TEKT5: variants seen among roughly 807,000 people sequenced by gnomAD.
TEKT5 encodes the protein tektin 5, also known as tektin-5.
In TEKT5, 52 loss-of-function variants were observed where a neutral mutation model predicts 48.7. That is an observed-to-expected ratio of 1.07 (90% CI 0.86 to 1.35). The LOEUF (loss-of-function observed/expected upper bound fraction) is 1.35. Among genes scored for constraint, TEKT5 ranks in the 40% most tolerant of loss-of-function variants. TEKT5 has a pLI of 0.00. For missense variants in TEKT5, 831 were observed against 641.6 expected, an observed-to-expected ratio of 1.30 and a Z score of -3.19; for synonymous variants, 318 against 267.6, an observed-to-expected ratio of 1.19 and a Z score of -1.84.
At chr16:10,692,181 T>C (rs1898991899) in intron 1 of TEKT5, among the ~76,000 whole-genome samples, 1 of 152,078 alleles carries the variant, frequency 6.6e-6, no homozygotes, top group African/African-American at 2.4e-5. Context: ...CAGGCAAAGC[T>C]GGACTTTCCA....
chr16:10,670,927 C>T (rs1898539186), intron 5 of TEKT5, among the ~76,000 whole-genome samples: 1 of 151,674 alleles, frequency 6.6e-6, no homozygotes, highest in African/African-American at 2.4e-5. Flanking sequence ...TTTTTAGAGA[C>T]AATGTCTTGC....
intron 5 of TEKT5, among the ~76,000 whole-genome samples, chr16:10,660,368 A>G (rs1898345429): frequency 6.6e-6 from 1 of 151,284 alleles, no homozygotes; most frequent in Non-Finnish European, 1.5e-5. Context: ...ATGTTAAGTA[A>G]CTCCCCCCAC....
At chr16:10,663,562 A>C (rs950576499) in intron 5 of TEKT5, among the ~76,000 whole-genome samples, 3 of 152,118 alleles carry the variant, frequency 2.0e-5, no homozygotes, top group African/African-American at 7.2e-5. Flanking sequence ...GCAAGGAGAG[A>C]GAGAAAGAGG....
rs200955097 is a variant in TEKT5 at position 10,627,557 on chromosome 16, C to T, written c.*26G>A. ...TCAGCCTTTTCCAATTTTACGCCAG[C>T]GCGGAATGAGGCGCCAGGGCGGTGC... is the stretch of plus-strand genomic sequence containing the variant. On this transcript the variant is annotated 3_prime_UTR_variant, in exon 7 of 7. Coordinates refer to ENST00000283025, the MANE Select transcript of TEKT5 (RefSeq NM_144674.2). 84 of 1,610,986 alleles carry T rather than the reference C, an allele frequency of 5.2e-5. No individual in the cohort carries two copies. The African/African-American group carries it at 5.7e-4, about 11-fold the overall frequency.
At chr16:10,665,825 C>G (rs1011691402) in intron 5 of TEKT5, among the ~76,000 whole-genome samples, 1 of 152,218 alleles carries the variant, frequency 6.6e-6, no homozygotes, top group African/African-American at 2.4e-5. Context: ...AGAGACCTAC[C>G]TATGCATGCA....
chr16:10,668,835 C>T (rs141187652), intron 5 of TEKT5, among the ~76,000 whole-genome samples: 1 of 152,224 alleles, frequency 6.6e-6, no homozygotes, highest in African/African-American at 2.4e-5. Flanking sequence ...GCAGAGTGCA[C>T]AAATACAGGG....
intron 1 of TEKT5, chr16:10,691,425 G>C (rs1898973796): frequency 6.6e-6 from 1 of 152,460 alleles, no homozygotes; most frequent in African/African-American, 2.4e-5. Context: ...GTAACCAGCG[G>C]AGTGGTCAGG....
intron 5 of TEKT5, among the ~76,000 whole-genome samples, chr16:10,665,534 G>A (rs756950710): frequency 6.6e-6 from 1 of 152,012 alleles, no homozygotes; most frequent in Admixed American, 6.6e-5. Context: ...TGCATCTGTC[G>A]CCTACCTCCC....
intron 5 of TEKT5, among the ~76,000 whole-genome samples, chr16:10,651,000 C>T (rs1343920350): frequency 2.0e-5 from 3 of 152,152 alleles, no homozygotes; most frequent in Admixed American, 2.0e-4. Context: ...CTCCCAATGC[C>T]AGAGAGGCAG....
intron 5 of TEKT5, among the ~76,000 whole-genome samples, chr16:10,661,492 T>C (rs552896308): frequency 1.3e-5 from 2 of 152,182 alleles, no homozygotes; most frequent in South Asian, 4.1e-4. Flanking sequence ...GAGAAAGACA[T>C]GATTATGTTT....
At chr16:10,675,855 T>C in intron 5 of TEKT5, 104 bp downstream of exon 5, 1 of 1,159,124 alleles carries the variant, frequency 8.6e-7, no homozygotes, top group Non-Finnish European at 1.3e-6. Flanking sequence ...GGTACTGCTT[T>C]GGCACCAGGG....
Position 10,640,594 on chromosome 16 carries a change from T to C in TEKT5, c.1087-4676A>G, listed in dbSNP as rs74388663. 4.5e-3 allele frequency among the ~76,000 whole-genome samples: 678 copies of C among 152,274 alleles called. 16 individuals carry two copies. The East Asian group carries it at 0.064, about 14-fold the overall frequency. On this transcript the variant is annotated intron_variant, in intron 5 of 6. Transcript: ENST00000283025. ...GAATGAATCCATCACTCCCAAAGGT[T>C]TCTGTATACCGCTTTACAATCCATC...
At chr16:10,632,878 A>ACACACG (rs1232768186) in intron 6 of TEKT5, among the ~76,000 whole-genome samples, 1 of 142,888 alleles carries the variant, frequency 7.0e-6, no homozygotes, top group Non-Finnish European at 1.5e-5. Flanking sequence ...AGACACACAC[A>ACACACG]CACACACACA....
At chr16:10,652,378 C>T (rs1898172198) in intron 5 of TEKT5, among the ~76,000 whole-genome samples, 1 of 151,586 alleles carries the variant, frequency 6.6e-6, no homozygotes, top group Non-Finnish European at 1.5e-5. Flanking sequence ...AGAACTATCC[C>T]TTATATACTC....
chr16:10,660,691 GTGTGTGTGTGTGT>G (rs1340538393), intron 5 of TEKT5, among the ~76,000 whole-genome samples: 1 of 116,380 alleles, frequency 8.6e-6, no homozygotes, highest in African/African-American at 2.8e-5. Context: ...GTGTGTGTGT[GTGTGTGTGTGTGT>G]TATTTATTTA....
chr16:10,628,934 C>T (rs988722488), intron 6 of TEKT5, among the ~76,000 whole-genome samples: 1 of 143,602 alleles, frequency 7.0e-6, no homozygotes, highest in Non-Finnish European at 1.5e-5. Flanking sequence ...GAATGAAATA[C>T]TAATACCTGC....
In TEKT5 at chr16:10,657,563, G is replaced by A. The variant is rs182516193; in HGVS notation, c.1086+18396C>T. Among the ~76,000 whole-genome samples, 149 of 151,744 alleles carry A rather than the reference G, an allele frequency of 9.8e-4. 1 individual carries two copies. Among genetic ancestry groups the A allele is most frequent in the South Asian group, 4.4e-3 (21 of 4,792 alleles). On this transcript the variant is annotated intron_variant, in intron 5 of 6. Transcript: ENST00000283025. ...GTGGTAAATGATAACATTAAGTCACGTTGTAGAAAAGTCATTCCCCTTTCA... is the reference window on the plus strand; with the variant it reads ...GTGGTAAATGATAACATTAAGTCACATTGTAGAAAAGTCATTCCCCTTTCA...
At chr16:10,692,866 G>A (rs958388939) in intron 1 of TEKT5, 2 of 152,298 alleles carry the variant, frequency 1.3e-5, no homozygotes, top group African/African-American at 4.8e-5. Flanking sequence ...AACAGAGAGA[G>A]GAGCCTGGGT....
intron 5 of TEKT5, among the ~76,000 whole-genome samples, chr16:10,672,260 T>TAA (rs997979572): frequency 4.0e-5 from 6 of 151,246 alleles, no homozygotes; most frequent in African/African-American, 1.5e-4. Context: ...CTTCATTCTT[T>TAA]AAAAAAAAAC....
Sources: gnomAD v4.1 joint callset for allele counts (sites outside exome capture counted in the v4.1 genomes callset) on GRCh38, gnomAD v4.1.1 for gene constraint, MANE v1.5 for transcripts, NCBI Gene and HGNC (gene_info 2026-07-23, HGNC 2026-07-21) for gene names.